ALK: variants seen among roughly 807,000 people sequenced by gnomAD.
ALK encodes the protein ALK tyrosine kinase receptor.
In ALK, 74 loss-of-function variants were observed where a neutral mutation model predicts 163.1. The observed-to-expected ratio is 0.45, with a 90% confidence interval of 0.38 to 0.55. The LOEUF (loss-of-function observed/expected upper bound fraction) is 0.55. Ranked by LOEUF, ALK falls within the 20% of genes least tolerant of loss-of-function variation. The pLI, the probability that ALK is intolerant of heterozygous loss-of-function variation, is 0.00. For missense variants in ALK, 2,063 were observed against 2,105.3 expected (o/e 0.98, Z 0.39); for synonymous variants, 960 against 843.2 (o/e 1.14, Z -2.40).
intron 1 of ALK, among the ~76,000 whole-genome samples, chr2:29,741,956 GA>G (rs1680072643): frequency 1.3e-5 from 2 of 152,184 alleles, no homozygotes; most frequent in Admixed American, 1.3e-4. Context: ...AATCACCCAT[GA>G]AAAAATCTGG....
At chr2:29,627,577 C>T (rs773406587) in intron 3 of ALK, among the ~76,000 whole-genome samples, 5 of 152,190 alleles carry the variant, frequency 3.3e-5, no homozygotes, top group Non-Finnish European at 5.9e-5. Context: ...GGCTGCCTAA[C>T]TGCTGAGACC....
At chr2:29,752,253 G>A (rs1207851641) in intron 1 of ALK, among the ~76,000 whole-genome samples, 2 of 152,052 alleles carry the variant, frequency 1.3e-5, no homozygotes, top group Non-Finnish European at 2.9e-5. Context: ...ACTTGTGTAA[G>A]TGTTCCGAGC....
intron 4 of ALK, among the ~76,000 whole-genome samples, chr2:29,508,629 T>C (rs1031630760): frequency 6.8e-6 from 1 of 146,384 alleles, no homozygotes; most frequent in African/African-American, 2.5e-5. Context: ...CACACCAACA[T>C]GGCACATGTA....
chr2:29,495,125 A>G (rs558461934), intron 4 of ALK, among the ~76,000 whole-genome samples: 1 of 152,314 alleles, frequency 6.6e-6, no homozygotes, highest in Non-Finnish European at 1.5e-5. Flanking sequence ...TGCATGAAGT[A>G]TGTTCACAGA....
intron 4 of ALK, among the ~76,000 whole-genome samples, chr2:29,459,829 TTAAG>T (rs1340468602): frequency 1.3e-5 from 2 of 152,174 alleles, no homozygotes; most frequent in Non-Finnish European, 2.9e-5. Context: ...GAACTTATTT[TTAAG>T]TAAGAAAAGC....
At chr2:29,250,239 G>C (rs1216531822) in intron 12 of ALK, among the ~76,000 whole-genome samples, 1 of 152,210 alleles carries the variant, frequency 6.6e-6, no homozygotes, top group African/African-American at 2.4e-5. Flanking sequence ...TGGAGGTGGA[G>C]GCTGCTTCTG....
At chr2:29,569,041 C>T (rs1674278060) in intron 3 of ALK, among the ~76,000 whole-genome samples, 1 of 152,126 alleles carries the variant, frequency 6.6e-6, no homozygotes, top group African/African-American at 2.4e-5. Context: ...CTGTTTCCAT[C>T]CAAAGAGGAA....
At chr2:29,894,276 A>G (rs1413272522) in intron 1 of ALK, among the ~76,000 whole-genome samples, 1 of 152,106 alleles carries the variant, frequency 6.6e-6, no homozygotes, top group Non-Finnish European at 1.5e-5. Context: ...TGTTAAACCC[A>G]GGGGAGGCAA....
At chr2:29,245,913 CGTT>C (rs1558636152) in intron 12 of ALK, among the ~76,000 whole-genome samples, 1 of 152,212 alleles carries the variant, frequency 6.6e-6, no homozygotes, top group African/African-American at 2.4e-5. Flanking sequence ...TGAATGATGG[CGTT>C]GTCCGGCTGC....
At chr2:29,659,095 C>T (rs945795873) in intron 3 of ALK, among the ~76,000 whole-genome samples, 5 of 152,088 alleles carry the variant, frequency 3.3e-5, no homozygotes, top group Non-Finnish European at 7.4e-5. Flanking sequence ...AATGCTTAGC[C>T]AGTGCTCTAG....
chr2:29,514,729 A>G (rs909600250), intron 4 of ALK, among the ~76,000 whole-genome samples: 4 of 152,200 alleles, frequency 2.6e-5, no homozygotes, highest in Non-Finnish European at 5.9e-5. Flanking sequence ...AGCTAAAAAT[A>G]TCTTCTCCTC....
chr2:29,583,043 T>TTTTTTG (rs58705668), intron 3 of ALK, among the ~76,000 whole-genome samples: 5 of 42,968 alleles, frequency 1.2e-4, no homozygotes, highest in Non-Finnish European at 2.0e-4. Flanking sequence ...TTGTTTTTTG[T>TTTTTTG]TTTTTTGTTT....
intron 4 of ALK, among the ~76,000 whole-genome samples, chr2:29,397,761 C>A (rs1056044102): frequency 6.6e-6 from 1 of 152,182 alleles, no homozygotes; most frequent in Non-Finnish European, 1.5e-5. Flanking sequence ...TATCACCATA[C>A]CCTTCAGGGA....
At chr2:29,293,495 T>A (rs1041787711) in intron 9 of ALK, among the ~76,000 whole-genome samples, 1 of 152,174 alleles carries the variant, frequency 6.6e-6, no homozygotes, top group Non-Finnish European at 1.5e-5. Context: ...GAATATATTG[T>A]GGGTACATAT....
At chr2:29,660,133 T>A (rs1677307128) in intron 3 of ALK, among the ~76,000 whole-genome samples, 1 of 152,176 alleles carries the variant, frequency 6.6e-6, no homozygotes, top group Non-Finnish European at 1.5e-5. Flanking sequence ...ACCAAGAGTC[T>A]GTCCAGCACG....
intron 8 of ALK, among the ~76,000 whole-genome samples, chr2:29,304,493 T>TAAAAAAAAAAAAAAAAAAA (rs70958256): frequency 8.0e-6 from 1 of 125,438 alleles, no homozygotes; most frequent in Non-Finnish European, 1.6e-5. Flanking sequence ...AGACTGTGTC[T>TAAAAAAAAAAAAAAAAAAA]AAAAAAAAAA....
chr2:29,532,152 G>A (rs2148158899), intron 3 of ALK, 36 bp from the exon 4 acceptor site: 2 of 1,596,126 alleles, frequency 1.3e-6, no homozygotes, highest in South Asian at 1.1e-5. Context: ...CTGCAGATGT[G>A]TTCAGGTAAG....
intron 5 of ALK, among the ~76,000 whole-genome samples, chr2:29,331,057 C>T (rs921545026): frequency 6.6e-6 from 1 of 152,144 alleles, no homozygotes. Flanking sequence ...CCCAGACAGC[C>T]GAGGCTCCCA....
chr2:29,258,188 T>G (rs79591034), intron 11 of ALK, among the ~76,000 whole-genome samples: 3,065 of 152,314 alleles, frequency 0.02, 39 homozygotes, highest in Middle Eastern at 0.041. Flanking sequence ...TTTCCCAGAT[T>G]CTGAATTTTG....
Sources: gnomAD v4.1 joint callset for allele counts (sites outside exome capture counted in the v4.1 genomes callset) on GRCh38, gnomAD v4.1.1 for gene constraint, MANE v1.5 for transcripts, NCBI Gene and HGNC (gene_info 2026-07-23, HGNC 2026-07-21) for gene names.